The following HMGXB3 variants were observed in gnomAD, a reference collection of about 807,000 sequenced individuals.
The protein encoded by HMGXB3 is HMG-box containing 3, also known as HMG domain-containing protein 3.
In HMGXB3, 45 loss-of-function variants were observed where a neutral mutation model predicts 121.5. The ratio of observed to expected loss-of-function variants is 0.37; its 90% CI spans 0.29 to 0.47. HMGXB3 has a LOEUF of 0.47. Ranked by LOEUF, HMGXB3 falls within the 20% of genes least tolerant of loss-of-function variation. The pLI is 0.99. For missense variants in HMGXB3, 1,376 were observed against 1,602.2 expected (o/e 0.86, Z 2.41); for synonymous variants, 590 against 624.1 (o/e 0.95, Z 0.81).
At chr5:150,040,667 C>T (rs765389374) in intron 13 of HMGXB3, 81 bp from the exon 14 acceptor site, 13 of 1,426,856 alleles carry the variant, frequency 9.1e-6, no homozygotes, top group Middle Eastern at 1.8e-4. Context: ...CACGTGCCAC[C>T]GCACCCAGCT....
intron 11 of HMGXB3, among the ~76,000 whole-genome samples, chr5:150,036,346 G>C (rs897997896): frequency 3.3e-5 from 5 of 152,012 alleles, no homozygotes; most frequent in Non-Finnish European, 5.9e-5. Context: ...CAAAATCTGA[G>C]ATGTCTAATG....
chr5:150,002,971 C>T (rs995696040), intron 1 of HMGXB3, among the ~76,000 whole-genome samples: 1 of 152,034 alleles, frequency 6.6e-6, no homozygotes. Context: ...AATGAGATCT[C>T]ATCTCTACAA....
At chr5:150,048,968 G>A (rs61149012) in intron 18 of HMGXB3, among the ~76,000 whole-genome samples, 4,426 of 152,256 alleles carry the variant, frequency 0.029, 239 homozygotes, top group African/African-American at 0.1. Context: ...CTAGTTGACC[G>A]TATATTTTAG....
At chr5:150,049,417 C>CT (rs1336891654) in intron 18 of HMGXB3, among the ~76,000 whole-genome samples, 2 of 151,770 alleles carry the variant, frequency 1.3e-5, no homozygotes, top group Non-Finnish European at 2.9e-5. Flanking sequence ...GAAACCCCCC[C>CT]CCTTAACAGG....
rs368561971 is a variant in HMGXB3, at chr5:150,046,767, G to A, written c.2951-857G>A. Among the ~76,000 whole-genome samples, 211 of 152,000 alleles carry A rather than the reference G, an allele frequency of 1.4e-3. 2 individuals are homozygous for A. In the South Asian group the frequency reaches 0.035, roughly 25 times the overall value. On this transcript the variant is annotated intron_variant, in intron 16 of 19. Coordinates refer to ENST00000502717, the MANE Select transcript of HMGXB3 (RefSeq NM_014983.3). Reference sequence around the variant, plus strand: ...GCGGAGATTGCAGTGAGCCGAGATCGCGCCACTGCACTCCAGCCTGGGCGA... The same window carrying A: ...GCGGAGATTGCAGTGAGCCGAGATCACGCCACTGCACTCCAGCCTGGGCGA...
chr5:150,007,834 C>T (rs1755735224), intron 3 of HMGXB3, among the ~76,000 whole-genome samples: 2 of 152,092 alleles, frequency 1.3e-5, no homozygotes, highest in Admixed American at 6.5e-5. Context: ...GTGGGAGGAT[C>T]ACTTGAGCCC....
chr5:150,031,991 A>G (rs1756392710), intron 10 of HMGXB3, among the ~76,000 whole-genome samples: 1 of 151,798 alleles, frequency 6.6e-6, no homozygotes, highest in African/African-American at 2.4e-5. Context: ...AGGGGGAACT[A>G]CCCCTGAGTA....
Position 150,036,756 on chromosome 5 carries a change from A to AAC in HMGXB3, c.2105_2106insCA (p.Glu703MetfsTer11). On this transcript the variant is annotated frameshift_variant, in exon 12 of 20. Transcript: ENST00000502717. LOFTEE classifies it high-confidence loss of function. ...GCGCAAAGTCCTGCAGATTCCTGAG[A>AAC]ATGAGTCAGAGCTGGCTGAGGTCTT... is the stretch of plus-strand genomic sequence containing the variant. The AAC allele has an allele frequency of 6.4e-7, 1 of 1,551,686 alleles. No individual in the cohort carries two copies. Among genetic ancestry groups the AAC allele is most frequent in the Non-Finnish European group, 8.7e-7 (1 of 1,147,008 alleles).
In HMGXB3 at chr5:150,006,470, C is replaced by T; in HGVS notation, c.138-3C>T. The T allele has an allele frequency of 1.9e-6, 3 of 1,548,906 alleles. No individual in the cohort carries two copies. Among genetic ancestry groups the T allele is most frequent in the Non-Finnish European group, 2.6e-6 (3 of 1,145,604 alleles). On this transcript the variant is annotated splice_polypyrimidine_tract_variant and splice_region_variant and intron_variant, in intron 2 of 19. Coordinates refer to ENST00000502717, the MANE Select transcript of HMGXB3 (RefSeq NM_014983.3). ...AAGCCTGAAGAAGTCATTGCTTCCTCAGGTCTGCTTACCTTCTGTACTATT... is the reference window on the plus strand; with the variant it reads ...AAGCCTGAAGAAGTCATTGCTTCCTTAGGTCTGCTTACCTTCTGTACTATT...
At chr5:150,027,808 C>CT (rs1756269476) in intron 9 of HMGXB3, among the ~76,000 whole-genome samples, 1 of 152,144 alleles carries the variant, frequency 6.6e-6, no homozygotes, top group Admixed American at 6.5e-5. Flanking sequence ...CCACCTCGGC[C>CT]TCCCAAAGTG....
At position 150,022,784 on chromosome 5, in the gene HMGXB3, A is replaced by G. The variant is rs545272225; in HGVS notation, c.1042-1478A>G. 1.6e-4 allele frequency among the ~76,000 whole-genome samples: 24 copies of G among 151,370 alleles called. No individual in the cohort carries two copies. In the East Asian group the frequency reaches 3.3e-3, roughly 21 times the overall value. Reference sequence around the variant, plus strand: ...TGTTAGAATCTGAGAATGCTTTACCAAAGAGCTCTTAAGAGGTCACCTGTT... The same window carrying G: ...TGTTAGAATCTGAGAATGCTTTACCGAAGAGCTCTTAAGAGGTCACCTGTT... On this transcript the variant is annotated intron_variant, in intron 6 of 19. Transcript: ENST00000502717.
intron 6 of HMGXB3, among the ~76,000 whole-genome samples, chr5:150,022,553 A>G (rs1222867496): frequency 6.6e-6 from 1 of 152,144 alleles, no homozygotes; most frequent in East Asian, 1.9e-4. Flanking sequence ...TTTTGCTCAG[A>G]TTGCTTAAAT....
rs752578660 is a variant in HMGXB3 at position 150,036,709 on chromosome 5, G to A, written c.2057G>A (p.Arg686His). 1.2e-4 allele frequency: 186 copies of A among 1,551,210 alleles called. No homozygotes were observed. The highest frequency in any genetic ancestry group is 1.7e-4 in the Middle Eastern group (1 of 5,744). ...AGCACAGCCCAGAGGGAGATCCAGC[G>A]CCAGTCCACACTGCAGCTGCTGCGC... ...PLSTAQREIQ[R>H]QSTLQLLRKV... The change falls in exon 12 of 20, where the codon CGC (arginine) becomes CAC (histidine). Residue 686 changes from arginine (R) to histidine (H), a missense_variant. Transcript: ENST00000502717.
At chr5:150,030,119 T>G (rs1756337187) in intron 9 of HMGXB3, among the ~76,000 whole-genome samples, 1 of 146,430 alleles carries the variant, frequency 6.8e-6, no homozygotes, top group African/African-American at 2.7e-5. Flanking sequence ...TAATTTTAAT[T>G]TTGTATGCTT....
In HMGXB3 at chr5:150,037,454, A is replaced by G. The variant is rs923553945; in HGVS notation, c.2340A>G (p.Thr780=). 3 of 1,551,316 alleles carry G rather than the reference A, an allele frequency of 1.9e-6. No homozygotes were observed. The African/African-American group carries it at 4.1e-5, about 21-fold the overall frequency. The part of the protein sequence containing the change: ...CWLLTASRLQ[T]VTAQVKMCLN... ...TGCTGACAGCCAGCCGTCTGCAGAC[A>G]GTGACTGCCCAGGTGAAGATGTGTC... Residue 780 remains threonine, a synonymous_variant, in exon 13 of 20, where the codon ACA becomes ACG. Coordinates refer to ENST00000502717, the MANE Select transcript of HMGXB3 (RefSeq NM_014983.3).
chr5:150,052,352 A>G lies in HMGXB3; in HGVS notation c.*160A>G. Reference sequence around the variant, plus strand: ...GCTTCCATTCCCTGAGCATGGTGGGACCCAGGGTCCTCAGTTCTCAACCCT... The same window carrying G: ...GCTTCCATTCCCTGAGCATGGTGGGGCCCAGGGTCCTCAGTTCTCAACCCT... On this transcript the variant is annotated 3_prime_UTR_variant, in exon 20 of 20. Coordinates refer to ENST00000502717, the MANE Select transcript of HMGXB3 (RefSeq NM_014983.3). 1 of 636,696 alleles carries G rather than the reference A, an allele frequency of 1.6e-6. No individual in the cohort carries two copies. Among genetic ancestry groups the G allele is most frequent in the East Asian group, 2.8e-5 (1 of 36,362 alleles). The allele number at this position is 636,696 out of a possible 1,614,324, so 39.4% of individuals were successfully genotyped here.
chr5:150,042,136 A>G (rs866974708), intron 15 of HMGXB3, among the ~76,000 whole-genome samples, 167 bp downstream of exon 15: 5 of 152,232 alleles, frequency 3.3e-5, no homozygotes, highest in African/African-American at 1.2e-4. Flanking sequence ...TGCCAGATGG[A>G]AATGGAGGCA....
intron 11 of HMGXB3, 100 bp downstream of exon 11, chr5:150,032,703 AGT>A: frequency 7.3e-7 from 1 of 1,362,604 alleles, no homozygotes; most frequent in Non-Finnish European, 1.0e-6. Context: ...ACATGGTGGT[AGT>A]TAGAGCATCC....
At position 150,051,888 on chromosome 5, in the gene HMGXB3, C is replaced by A. The variant is rs1756912829; in HGVS notation, c.3575C>A (p.Ala1192Asp). ...CCCAGTGCTGGGCACCACTCCTTGG[C>A]CCTGTGCCCTGAATTGGCACCTTAC... is the stretch of plus-strand genomic sequence containing the variant. ...GDPSAGHHSL[A>D]LCPELAPYAT... Residue 1192 changes from alanine to aspartate, a missense_variant, in exon 20 of 20, where the codon GCC becomes GAC. Ala to Asp is a moderately radical substitution (Grantham distance 126). Around this residue, in one of 2 missense-constraint regions of HMGXB3, gnomAD observed 260 missense variants for 233.2 expected, o/e 1.11. Transcript: ENST00000502717. The A allele has an allele frequency of 1.9e-6, 3 of 1,551,650 alleles. No individual in the cohort carries two copies. In the Admixed American group the frequency reaches 5.9e-5, roughly 30 times the overall value.
Sources: allele counts gnomAD v4.1 joint callset (sites outside exome capture counted in the v4.1 genomes callset), GRCh38; gene constraint gnomAD v4.1.1; regional missense constraint gnomAD v4.1.1; transcripts MANE v1.5; gene names NCBI Gene and HGNC (gene_info 2026-07-23, HGNC 2026-07-21).